The following GDPD5 variants were observed in gnomAD, a reference collection of about 807,000 sequenced individuals.
The protein encoded by GDPD5 is glycerophosphodiester phosphodiesterase 2.
GDPD5 carries 48 observed loss-of-function variants against 75.1 expected under a neutral mutation model. The ratio of observed to expected loss-of-function variants is 0.64; its 90% CI spans 0.51 to 0.81. The LOEUF is 0.81. GDPD5 is among the 40% of genes least tolerant of loss of function. The pLI is 0.00. For synonymous variants in GDPD5, 336 were observed against 339.0 expected (o/e 0.99, Z 0.10); for missense variants, 706 against 822.6 (o/e 0.86, Z 1.73).
At position 75,441,716 on chromosome 11, in the gene GDPD5, C is replaced by T. The variant is rs142603773; in HGVS notation, c.1255G>A (p.Ala419Thr). Residue 419 changes from alanine (A) to threonine (T), a missense_variant, in exon 13 of 17, where the codon GCC becomes ACC. Physicochemically the swap from Ala to Thr is moderately conservative, Grantham distance 58. Transcript: ENST00000336898. ...TGGATGTGGCCTCTCCGCAGGCTGG[C>T]GACTGCCTCCTTGGAGCCTGATGTC... ...QQTSGSKEAV[A>T]SLRRGHIQRL... 63 of 1,610,678 alleles carry T rather than the reference C, an allele frequency of 3.9e-5. No individual in the cohort carries two copies. The African/African-American group carries it at 6.9e-4, about 18-fold the overall frequency.
chr11:75,454,343 A>G (rs1329867329), intron 6 of GDPD5, among the ~76,000 whole-genome samples: 1 of 152,274 alleles, frequency 6.6e-6, no homozygotes, highest in Non-Finnish European at 1.5e-5. Context: ...GACAAAAGCC[A>G]ATAAATCAGC....
chr11:75,469,629 C>T (rs1356049898), intron 3 of GDPD5, among the ~76,000 whole-genome samples: 1 of 152,222 alleles, frequency 6.6e-6, no homozygotes, highest in Non-Finnish European at 1.5e-5. Flanking sequence ...AGCAGGGACC[C>T]TGGGATTTCA....
chr11:75,468,679 G>C (rs552575104), intron 3 of GDPD5, among the ~76,000 whole-genome samples: 5 of 144,526 alleles, frequency 3.5e-5, no homozygotes, highest in East Asian at 2.1e-4. Flanking sequence ...CTCCCCCGAC[G>C]CCCCCCCCCC....
intron 1 of GDPD5, among the ~76,000 whole-genome samples, chr11:75,491,390 C>G (rs1217620143): frequency 6.6e-6 from 1 of 152,210 alleles, no homozygotes; most frequent in Non-Finnish European, 1.5e-5. Context: ...CCAGTGGCTT[C>G]TCCTCTAAAC....
At chr11:75,441,386 C>A in intron 13 of GDPD5, 76 bp from the exon 14 acceptor site, 1 of 1,567,772 alleles carries the variant, frequency 6.4e-7, no homozygotes, top group South Asian at 1.1e-5. Flanking sequence ...TGGTAAAGCA[C>A]GTCCTGTTCA....
chr11:75,479,115 G>A (rs1252238787), intron 2 of GDPD5: 2 of 152,182 alleles, frequency 1.3e-5, no homozygotes, highest in Non-Finnish European at 2.9e-5. Context: ...GGCCTCTGGG[G>A]GCCAGTGTTG....
chr11:75,474,670 A>T (rs1045385408), intron 3 of GDPD5, among the ~76,000 whole-genome samples: 3 of 152,102 alleles, frequency 2.0e-5, no homozygotes, highest in Non-Finnish European at 4.4e-5. Context: ...GGCAGGAAGG[A>T]GGGAGACCAG....
At chr11:75,439,209 C>A (rs181845438) in intron 15 of GDPD5, 2 of 396,758 alleles carry the variant, frequency 5.0e-6, no homozygotes, top group Non-Finnish European at 1.0e-5. Context: ...AGGCTTCAGG[C>A]GAGCGCGCTG....
Position 75,435,338 on chromosome 11 carries a change from G to A in GDPD5, c.*169C>T. Reference sequence around the variant, plus strand: ...GAGTCCTGGCCCAGCTGGGCCTCAGGAGACAGGGAGTCCCCCTCAAGAGAG... The same window carrying A: ...GAGTCCTGGCCCAGCTGGGCCTCAGAAGACAGGGAGTCCCCCTCAAGAGAG... On this transcript the variant is annotated 3_prime_UTR_variant, in exon 17 of 17. Transcript: ENST00000336898. The A allele has an allele frequency of 1.7e-6, 1 of 574,288 alleles. No homozygotes were observed. Among genetic ancestry groups the A allele is most frequent in the Non-Finnish European group, 3.0e-6 (1 of 337,402 alleles). The allele number at this position is 574,288 out of a possible 1,614,324, so 35.6% of individuals were successfully genotyped here.
intron 1 of GDPD5, among the ~76,000 whole-genome samples, chr11:75,494,846 G>A (rs764830242): frequency 2.4e-4 from 36 of 152,084 alleles, no homozygotes; most frequent in Non-Finnish European, 5.1e-4. Flanking sequence ...CAGCTATTCA[G>A]GAGGCTGAGG....
In GDPD5 at chr11:75,441,204, A is replaced by G; in HGVS notation, c.1432T>C (p.Ser478Pro). 1 of 1,613,976 alleles carries G rather than the reference A, an allele frequency of 6.2e-7. No individual in the cohort carries two copies. The highest frequency in any genetic ancestry group is 8.5e-7 in the Non-Finnish European group (1 of 1,179,970). The change falls in exon 14 of 17, where the codon TCC becomes CCC. Residue 478 changes from serine (S) to proline (P), a missense_variant. Coordinates refer to ENST00000336898, the MANE Select transcript of GDPD5 (RefSeq NM_030792.8). The part of the protein sequence containing the change: ...AGVPSVTSDN[S>P]HALSQVPSPL... Reference sequence around the variant, plus strand: ...GAAGGCACCTGGGACAGGGCGTGGGAGTTGTCAGAGGTGACGGATGGGACC... The same window carrying G: ...GAAGGCACCTGGGACAGGGCGTGGGGGTTGTCAGAGGTGACGGATGGGACC...
chr11:75,454,844 G>A (rs1346728986), intron 6 of GDPD5, among the ~76,000 whole-genome samples: 4 of 152,192 alleles, frequency 2.6e-5, no homozygotes, highest in African/African-American at 7.2e-5. Context: ...GAATCATGTC[G>A]ATGTATTACA....
chr11:75,462,197 G>A lies in GDPD5; in HGVS notation c.221+589C>T, dbSNP rs368406894. Reference sequence around the variant, plus strand: ...GGGGTAACCAAAGGGCCCTGCCCCGGTTGAGCCCTGGCCCAGCCTTATGTT... The same window carrying A: ...GGGGTAACCAAAGGGCCCTGCCCCGATTGAGCCCTGGCCCAGCCTTATGTT... On this transcript the variant is annotated intron_variant, in intron 4 of 16. Transcript: ENST00000336898. Among the ~76,000 whole-genome samples, 8 of 152,354 alleles carry A rather than the reference G, an allele frequency of 5.3e-5. No individual in the cohort carries two copies. The South Asian group carries it at 8.3e-4, about 16-fold the overall frequency.
intron 3 of GDPD5, among the ~76,000 whole-genome samples, chr11:75,475,124 G>T (rs545377715): frequency 3.2e-4 from 48 of 152,360 alleles, no homozygotes; most frequent in Admixed American, 1.5e-3. Flanking sequence ...AATGTTAACA[G>T]ATACTATTAC....
intron 3 of GDPD5, among the ~76,000 whole-genome samples, chr11:75,464,647 A>C (rs1330041713): frequency 6.6e-6 from 1 of 152,164 alleles, no homozygotes; most frequent in African/African-American, 2.4e-5. Context: ...AGAGATGCAA[A>C]GGTGACGACA....
At chr11:75,475,359 T>C (rs992938124) in intron 3 of GDPD5, among the ~76,000 whole-genome samples, 21 of 152,042 alleles carry the variant, frequency 1.4e-4, no homozygotes, top group African/African-American at 4.8e-4. Flanking sequence ...CCACCACCCC[T>C]CAACTCAGGC....
chr11:75,470,120 C>T (rs1037694791), intron 3 of GDPD5, among the ~76,000 whole-genome samples: 1 of 152,138 alleles, frequency 6.6e-6, no homozygotes, highest in African/African-American at 2.4e-5. Flanking sequence ...GAGGAGAAGA[C>T]ACCTGCAGCA....
intron 1 of GDPD5, among the ~76,000 whole-genome samples, chr11:75,519,090 C>T (rs1427289069): frequency 2.6e-5 from 4 of 152,126 alleles, no homozygotes; most frequent in African/African-American, 7.2e-5. Flanking sequence ...CCTGCCTTTC[C>T]GCCTTCCTCA....
chr11:75,471,344 A>G (rs1167579161), intron 3 of GDPD5, among the ~76,000 whole-genome samples: 3 of 152,166 alleles, frequency 2.0e-5, no homozygotes, highest in African/African-American at 7.2e-5. Flanking sequence ...AAGGGATTAG[A>G]ATCCCCACCC....
Sources: gnomAD v4.1 joint callset for allele counts (sites outside exome capture counted in the v4.1 genomes callset) on GRCh38, gnomAD v4.1.1 for gene constraint, MANE v1.5 for transcripts, NCBI Gene and HGNC (gene_info 2026-07-23, HGNC 2026-07-21) for gene names.